ARHGAP28: variants seen among roughly 807,000 people sequenced by gnomAD.
ARHGAP28 encodes the protein rho GTPase-activating protein 28.
Under a neutral mutation model 90.7 loss-of-function variants are expected in ARHGAP28, and 56 were observed. That is an observed-to-expected ratio of 0.62 (90% confidence interval 0.50 to 0.77). The LOEUF (loss-of-function observed/expected upper bound fraction) is 0.77, where lower values mean the gene tolerates loss of function less well. ARHGAP28 is among the 30% of genes least tolerant of loss of function. The pLI is 0.00. For synonymous variants in ARHGAP28, 308 were observed against 323.3 expected (o/e 0.95, Z 0.51); for missense variants, 869 against 900.9 (o/e 0.96, Z 0.45).
intron 1 of ARHGAP28, among the ~76,000 whole-genome samples, chr18:6,813,506 T>G (rs1298994662): frequency 6.6e-6 from 1 of 152,198 alleles, no homozygotes; most frequent in Non-Finnish European, 1.5e-5. Context: ...CTCTCTTTGA[T>G]CTTTAATAAA....
At chr18:6,758,604 G>A (rs751845781) in intron 1 of ARHGAP28, among the ~76,000 whole-genome samples, 6 of 152,174 alleles carry the variant, frequency 3.9e-5, no homozygotes, top group Non-Finnish European at 7.3e-5. Flanking sequence ...GATTACAGGC[G>A]TGAGCCACTT....
intron 1 of ARHGAP28, among the ~76,000 whole-genome samples, chr18:6,751,075 T>C (rs2056065152): frequency 6.6e-6 from 1 of 152,132 alleles, no homozygotes; most frequent in Admixed American, 6.5e-5. Context: ...GGTTTATCTT[T>C]CTGATCTCAG....
chr18:6,827,645 C>G (rs1256218414), intron 2 of ARHGAP28, among the ~76,000 whole-genome samples: 4 of 149,448 alleles, frequency 2.7e-5, no homozygotes, highest in Admixed American at 2.6e-4. Flanking sequence ...GGGCTGACCC[C>G]CCCCCCACCT....
At chr18:6,906,309 A>G (rs1183930397) in intron 16 of ARHGAP28, among the ~76,000 whole-genome samples, 2 of 152,176 alleles carry the variant, frequency 1.3e-5, no homozygotes, top group African/African-American at 4.8e-5. Context: ...GTATGTTTTA[A>G]CCATTTCAAA....
chr18:6,745,687 T>C (rs1049688481), intron 1 of ARHGAP28, among the ~76,000 whole-genome samples: 7 of 152,194 alleles, frequency 4.6e-5, no homozygotes, highest in African/African-American at 7.2e-5. Flanking sequence ...CAGATTAGCA[T>C]TGCCTGTTCG....
At chr18:6,809,848 A>G (rs967690481) in intron 1 of ARHGAP28, among the ~76,000 whole-genome samples, 1 of 152,154 alleles carries the variant, frequency 6.6e-6, no homozygotes, top group Non-Finnish European at 1.5e-5. Flanking sequence ...GTTCATTGCT[A>G]GATTTGCAGT....
chr18:6,862,912 A>T (rs1435733557), intron 5 of ARHGAP28, among the ~76,000 whole-genome samples: 1 of 152,168 alleles, frequency 6.6e-6, no homozygotes, highest in Non-Finnish European at 1.5e-5. Context: ...TTTAAACCGT[A>T]AGATTTTTAA....
chr18:6,812,221 A>G (rs2056561857), intron 1 of ARHGAP28, among the ~76,000 whole-genome samples: 2 of 152,184 alleles, frequency 1.3e-5, no homozygotes, highest in African/African-American at 4.8e-5. Context: ...TGTTTTAAAG[A>G]GGGAGCTTTA....
At chr18:6,801,214 A>G (rs1326569343) in intron 1 of ARHGAP28, among the ~76,000 whole-genome samples, 1 of 152,088 alleles carries the variant, frequency 6.6e-6, no homozygotes, top group Non-Finnish European at 1.5e-5. Flanking sequence ...AAGGCCTTTA[A>G]ATTTTTTTTG....
intron 1 of ARHGAP28, among the ~76,000 whole-genome samples, chr18:6,754,209 T>C (rs571332420): frequency 9.8e-4 from 149 of 152,206 alleles, no homozygotes; most frequent in Non-Finnish European, 1.3e-3. Context: ...TTCTATTAAA[T>C]GTGGTCTTCA....
chr18:6,819,401 A>C (rs2056612251), intron 1 of ARHGAP28, among the ~76,000 whole-genome samples: 1 of 152,220 alleles, frequency 6.6e-6, no homozygotes, highest in South Asian at 2.1e-4. Context: ...AGTCTGAAGG[A>C]GCCAAGTTCC....
intron 1 of ARHGAP28, among the ~76,000 whole-genome samples, chr18:6,769,415 A>G (rs533879304): frequency 2.6e-5 from 4 of 152,282 alleles, no homozygotes; most frequent in African/African-American, 9.6e-5. Context: ...TCTCCTTTGC[A>G]TGTCCATGGC....
chr18:6,867,186 A>C (rs1460329229), intron 5 of ARHGAP28, among the ~76,000 whole-genome samples: 1 of 152,202 alleles, frequency 6.6e-6, no homozygotes, highest in African/African-American at 2.4e-5. Flanking sequence ...TTTTGAAATA[A>C]AATAGGAATA....
intron 7 of ARHGAP28, among the ~76,000 whole-genome samples, chr18:6,871,086 C>T (rs1038163767): frequency 3.3e-5 from 5 of 152,152 alleles, no homozygotes; most frequent in South Asian, 2.1e-4. Flanking sequence ...AGGTGTGAGC[C>T]GCCGTGCATG....
chr18:6,824,346 G>A (rs1310911496), intron 1 of ARHGAP28, among the ~76,000 whole-genome samples: 1 of 152,070 alleles, frequency 6.6e-6, no homozygotes, highest in African/African-American at 2.4e-5. Flanking sequence ...AGACCAGCCT[G>A]ACCAACGTGG....
chr18:6,736,799 G>T (rs1247110841), intron 1 of ARHGAP28, among the ~76,000 whole-genome samples: 1 of 150,810 alleles, frequency 6.6e-6, no homozygotes, highest in Non-Finnish European at 1.5e-5. Context: ...TGTGTTAAGA[G>T]AGTGTAGTTG....
At chr18:6,771,757 T>C (rs2056244895) in intron 1 of ARHGAP28, among the ~76,000 whole-genome samples, 1 of 152,214 alleles carries the variant, frequency 6.6e-6, no homozygotes, top group African/African-American at 2.4e-5. Context: ...TACGTTTTTA[T>C]GTTAAACATT....
chr18:6,805,640 C>T (rs1421890611), intron 1 of ARHGAP28, among the ~76,000 whole-genome samples: 1 of 151,698 alleles, frequency 6.6e-6, no homozygotes, highest in African/African-American at 2.4e-5. Flanking sequence ...TGCCTGCCAC[C>T]ACGCCCGGCT....
intron 1 of ARHGAP28, among the ~76,000 whole-genome samples, chr18:6,743,843 A>T (rs2055999801): frequency 6.6e-6 from 1 of 152,252 alleles, no homozygotes; most frequent in South Asian, 2.1e-4. Context: ...CATATGTGAT[A>T]TTGGATGCTG....
Sources: allele counts gnomAD v4.1 joint callset (sites outside exome capture counted in the v4.1 genomes callset), GRCh38; gene constraint gnomAD v4.1.1; transcripts MANE v1.5; gene names NCBI Gene and HGNC (gene_info 2026-07-23, HGNC 2026-07-21).